Variants in FAT4 observed in about 807,000 individuals in gnomAD.
FAT4 encodes protocadherin Fat 4.
In FAT4, 84 loss-of-function variants were observed where a neutral mutation model predicts 303.9. That is an observed-to-expected ratio of 0.28 (90% confidence interval 0.23 to 0.33). FAT4 has a LOEUF of 0.33. FAT4 is among the 10% of genes least tolerant of loss of function. FAT4 has a pLI of 1.00. For missense variants in FAT4, 6,005 were observed against 6,146.8 expected (o/e 0.98, Z 0.77); for synonymous variants, 2,307 against 2,298.8 (o/e 1.00, Z -0.10).
intron 3 of FAT4, among the ~76,000 whole-genome samples, chr4:125,400,220 A>G (rs1205811725): frequency 6.6e-6 from 1 of 151,976 alleles, no homozygotes; most frequent in Non-Finnish European, 1.5e-5. Context: ...AATCATGTTA[A>G]TTATAATAGA....
intron 5 of FAT4, among the ~76,000 whole-genome samples, chr4:125,410,006 C>T (rs867163888): frequency 1.3e-5 from 2 of 151,666 alleles, no homozygotes; most frequent in African/African-American, 4.9e-5. Flanking sequence ...GAATACTATT[C>T]TATTTTAACA....
intron 2 of FAT4, among the ~76,000 whole-genome samples, chr4:125,387,137 C>T (rs1733784434): frequency 6.6e-6 from 1 of 152,330 alleles, no homozygotes; most frequent in African/African-American, 2.4e-5. Flanking sequence ...GGGTTCCTAA[C>T]AGGCCACAAA....
chr4:125,416,711 C>A, intron 7 of FAT4, 89 bp downstream of exon 7: 2 of 1,321,802 alleles, frequency 1.5e-6, no homozygotes, highest in South Asian at 1.3e-5. Flanking sequence ...TTTGGGAGGC[C>A]AAGGTGGATG....
Position 125,490,934 on chromosome 4 carries a change from C to A in FAT4, c.14118C>A (p.Ala4706=), listed in dbSNP as rs1180881028. ...ACCCTCTGTCTCGACACAGTCCAGCCCCTTTCTCCAAATCTTCTACGTTCT... is the reference window on the plus strand; with the variant it reads ...ACCCTCTGTCTCGACACAGTCCAGCACCTTTCTCCAAATCTTCTACGTTCT... ...TPNPLSRHSP[A]PFSKSSTFYR... The change falls in exon 18 of 18, where the codon GCC becomes GCA. Residue 4706 remains alanine, a synonymous_variant. Coordinates refer to ENST00000394329, the MANE Select transcript of FAT4 (RefSeq NM_001291303.3). The A allele has an allele frequency of 1.2e-6, 2 of 1,614,094 alleles. No homozygotes were observed. Among genetic ancestry groups the A allele is most frequent in the Non-Finnish European group, 1.7e-6 (2 of 1,180,046 alleles).
chr4:125,439,850 TC>T (rs1336036557), intron 8 of FAT4, among the ~76,000 whole-genome samples: 1 of 152,134 alleles, frequency 6.6e-6, no homozygotes, highest in African/African-American at 2.4e-5. Flanking sequence ...TTTATTTGCC[TC>T]CCATGGCCTA....
In FAT4 at chr4:125,320,655, A is replaced by C; in HGVS notation, c.4244A>C (p.Asp1415Ala). The change falls in exon 2 of 18, where the codon GAC becomes GCC. Residue 1415 changes from aspartate to alanine, a missense_variant. By Grantham distance (126) the Asp-to-Ala change is moderately radical. Transcript: ENST00000394329. Reference sequence around the variant, plus strand: ...GTTATTCACGTGAGGGACTTTAATGACAATCCTCCTAGCTTTCCTCCTGGA... The same window carrying C: ...GTTATTCACGTGAGGGACTTTAATGCCAATCCTCCTAGCTTTCCTCCTGGA... ...SVVIHVRDFN[D>A]NPPSFPPGDI... The C allele has an allele frequency of 6.2e-7, 1 of 1,614,050 alleles. No individual in the cohort carries two copies. The highest frequency in any genetic ancestry group is 8.5e-7 in the Non-Finnish European group (1 of 1,179,918).
At chr4:125,452,998 T>C (rs1726152504) in intron 10 of FAT4, among the ~76,000 whole-genome samples, 188 bp downstream of exon 10, 2 of 152,346 alleles carry the variant, frequency 1.3e-5, no homozygotes, top group South Asian at 4.1e-4. Context: ...GTTTACTTCT[T>C]ACAAGAAAAC....
chr4:125,333,342 T>TTTA (rs1226138019), intron 2 of FAT4, among the ~76,000 whole-genome samples: 1 of 152,128 alleles, frequency 6.6e-6, no homozygotes, highest in East Asian at 1.9e-4. Flanking sequence ...ACAGACCTAT[T>TTTA]TTAAAGTGAT....
chr4:125,336,675 A>T (rs1329209985), intron 2 of FAT4, among the ~76,000 whole-genome samples: 3 of 151,958 alleles, frequency 2.0e-5, no homozygotes, highest in Non-Finnish European at 4.4e-5. Flanking sequence ...AACTAGAAAA[A>T]TTACTTTGAA....
intron 7 of FAT4, among the ~76,000 whole-genome samples, chr4:125,423,152 T>TG (rs1314706556): frequency 6.6e-6 from 1 of 152,208 alleles, no homozygotes; most frequent in East Asian, 1.9e-4. Context: ...ACCCATTTTC[T>TG]GGGGAGAAAT....
intron 16 of FAT4, among the ~76,000 whole-genome samples, chr4:125,483,600 T>C (rs1453454903): frequency 6.6e-6 from 1 of 152,182 alleles, no homozygotes; most frequent in Non-Finnish European, 1.5e-5. Flanking sequence ...AACTCCAGAT[T>C]TTGTTAGCTT....
intron 10 of FAT4, among the ~76,000 whole-genome samples, chr4:125,460,262 C>G (rs1465459975): frequency 1.3e-5 from 2 of 151,908 alleles, no homozygotes; most frequent in Non-Finnish European, 2.9e-5. Flanking sequence ...TATTTAACCC[C>G]AAACAAAGCC....
At chr4:125,487,720 A>G in intron 17 of FAT4, 114 bp downstream of exon 17, 1 of 973,618 alleles carries the variant, frequency 1.0e-6, no homozygotes, top group Non-Finnish European at 1.4e-6. Context: ...ATACAGAACA[A>G]TTTCATTCAA....
rs148933706 is a variant in FAT4 at position 125,440,953 on chromosome 4, T to C, written c.7200-5340T>C. On this transcript the variant is annotated intron_variant, in intron 8 of 17. Transcript: ENST00000394329. ...ACAAATTCTCATGTTTCTTCTTTTC[T>C]AATGCATCTGGCACCCATTCTTTTC... is the stretch of plus-strand genomic sequence containing the variant. 5.1e-4 allele frequency among the ~76,000 whole-genome samples: 78 copies of C among 152,326 alleles called. 2 individuals are homozygous for C. In the East Asian group the frequency reaches 0.015, roughly 29 times the overall value.
intron 2 of FAT4, among the ~76,000 whole-genome samples, chr4:125,394,778 A>G (rs1263264795): frequency 1.3e-5 from 2 of 152,196 alleles, no homozygotes; most frequent in South Asian, 2.1e-4. Context: ...ATCAAGATAA[A>G]TAGTAACACC....
chr4:125,434,854 T>C (rs1370170896), intron 8 of FAT4, among the ~76,000 whole-genome samples: 2 of 152,180 alleles, frequency 1.3e-5, no homozygotes, highest in East Asian at 3.9e-4. Flanking sequence ...TCTCAGAACT[T>C]CCTGATGTGG....
Position 125,415,578 on chromosome 4 carries a change from C to T in FAT4, c.6615C>T (p.Asp2205=), listed in dbSNP as rs776798060. Reference sequence around the variant, plus strand: ...ATACCAATCAGGAATTTCGGATAGACTCTGTCACAGGTGCCATCACTGTCG... The same window carrying T: ...ATACCAATCAGGAATTTCGGATAGATTCTGTCACAGGTGCCATCACTGTCG... ...NGNTNQEFRI[D]SVTGAITVAK... is the part of the protein sequence containing the mutation. The change falls in exon 6 of 18, where the codon GAC becomes GAT. Residue 2205 remains aspartate, a synonymous_variant. Transcript: ENST00000394329. 1 of 1,614,066 alleles carries T rather than the reference C, an allele frequency of 6.2e-7. No homozygotes were observed. Among genetic ancestry groups the T allele is most frequent in the Non-Finnish European group, 8.5e-7 (1 of 1,179,978 alleles).
chr4:125,438,129 C>T (rs1354711), intron 8 of FAT4, among the ~76,000 whole-genome samples: 150,440 of 152,268 alleles, frequency 0.99, 74,343 homozygotes, highest in East Asian at 1. Context: ...GTTTCTTAGA[C>T]AGTATATAGA....
intron 2 of FAT4, chr4:125,362,764 A>G (rs916967839): frequency 6.6e-6 from 1 of 152,194 alleles, no homozygotes; most frequent in Non-Finnish European, 1.5e-5. Flanking sequence ...AACATACAGT[A>G]TTCAAAAGCT....
Sources: gnomAD v4.1 joint callset for allele counts (sites outside exome capture counted in the v4.1 genomes callset) on GRCh38, gnomAD v4.1.1 for gene constraint, MANE v1.5 for transcripts, NCBI Gene and HGNC (gene_info 2026-07-23, HGNC 2026-07-21) for gene names.